Variants in CADPS observed in about 807,000 individuals in gnomAD.
CADPS encodes calcium-dependent secretion activator 1.
A neutral mutation model predicts 167.3 loss-of-function variants in CADPS; 57 were observed. The ratio of observed to expected loss-of-function variants is 0.34; its 90% CI spans 0.28 to 0.42. CADPS has a LOEUF of 0.42. CADPS is among the 20% of genes least tolerant of loss of function. The pLI, the probability that CADPS is intolerant of heterozygous loss-of-function variation, is 1.00. For synonymous variants in CADPS, 676 were observed against 635.3 expected, an observed-to-expected ratio of 1.06 and a Z score of -0.96; for missense variants, 1,414 against 1,738.1, an observed-to-expected ratio of 0.81 and a Z score of 3.32.
chr3:62,670,329 T>C (rs923477998), intron 3 of CADPS, among the ~76,000 whole-genome samples: 4 of 152,140 alleles, frequency 2.6e-5, no homozygotes, highest in Non-Finnish European at 4.4e-5. Flanking sequence ...AGAAAGAACA[T>C]GGAGTTCGGT....
Position 62,765,950 on chromosome 3 carries a change from C to T in CADPS, c.476G>A (p.Arg159Gln), listed in dbSNP as rs757369103. The change falls in exon 2 of 30, where the codon CGG becomes CAG. Residue 159 changes from arginine to glutamine, a missense_variant. Transcript: ENST00000383710. ...SKQQLQTVKD[R>Q]FQAFLNGETQ... Reference sequence around the variant, plus strand: ...TTCCCCATTGAGGAAAGCCTGAAACCGGTCCTTGACTGTCTGCAGCTGCTG... The same window carrying T: ...TTCCCCATTGAGGAAAGCCTGAAACTGGTCCTTGACTGTCTGCAGCTGCTG... 6.8e-6 allele frequency: 11 copies of T among 1,613,300 alleles called. No homozygotes were observed. The highest frequency in any genetic ancestry group is 6.7e-5 in the Admixed American group (4 of 59,968).
chr3:62,725,269 G>A (rs1010902837), intron 3 of CADPS, among the ~76,000 whole-genome samples: 1 of 152,196 alleles, frequency 6.6e-6, no homozygotes, highest in African/African-American at 2.4e-5. Context: ...TCTGAAATGT[G>A]GCCAGTGTGA....
At chr3:62,873,347 A>G (rs1005831629) in intron 1 of CADPS, among the ~76,000 whole-genome samples, 3 of 152,220 alleles carry the variant, frequency 2.0e-5, no homozygotes, top group African/African-American at 7.2e-5. Flanking sequence ...CAACTGAAAG[A>G]TTCACTATTT....
intron 13 of CADPS, among the ~76,000 whole-genome samples, chr3:62,525,233 C>T (rs1485688834): frequency 6.6e-6 from 1 of 151,972 alleles, no homozygotes; most frequent in Non-Finnish European, 1.5e-5. Flanking sequence ...CTGCTGTTCT[C>T]ATGGGGAAAG....
intron 3 of CADPS, among the ~76,000 whole-genome samples, chr3:62,723,964 CA>C: frequency 6.6e-6 from 1 of 152,178 alleles, no homozygotes; most frequent in Non-Finnish European, 1.5e-5. Context: ...TGGAGGGTGT[CA>C]CAGTTCAGGT....
At chr3:62,789,689 A>C (rs987546559) in intron 1 of CADPS, among the ~76,000 whole-genome samples, 27 of 152,202 alleles carry the variant, frequency 1.8e-4, no homozygotes, top group African/African-American at 5.8e-4. Context: ...AAACAAAGGG[A>C]GTAGCTGGAG....
intron 28 of CADPS, among the ~76,000 whole-genome samples, chr3:62,405,073 G>T (rs1707914514): frequency 6.7e-6 from 1 of 149,746 alleles, no homozygotes; most frequent in Non-Finnish European, 1.5e-5. Context: ...CAACTGGAGG[G>T]CTCTCTTGTG....
intron 13 of CADPS, among the ~76,000 whole-genome samples, chr3:62,520,701 A>T (rs986280874): frequency 6.6e-6 from 1 of 152,228 alleles, no homozygotes; most frequent in African/African-American, 2.4e-5. Context: ...GTAAATTTGT[A>T]ACTGCCAGAA....
At chr3:62,692,400 G>A (rs1476071318) in intron 3 of CADPS, among the ~76,000 whole-genome samples, 2 of 151,680 alleles carry the variant, frequency 1.3e-5, no homozygotes, top group African/African-American at 4.9e-5. Flanking sequence ...TTCCTGAATA[G>A]CAGCAGACAT....
intron 10 of CADPS, 111 bp from the exon 11 acceptor site, chr3:62,550,226 G>C: frequency 1.3e-6 from 1 of 759,496 alleles, no homozygotes; most frequent in Admixed American, 2.2e-5. Context: ...CAGAAGAGGG[G>C]GGTAGTGATT....
Position 62,645,637 on chromosome 3 carries a change from A to C in CADPS, c.1325+85T>G, listed in dbSNP as rs1468003832. On this transcript the variant is annotated intron_variant, in intron 6 of 29. Coordinates refer to ENST00000383710, the MANE Select transcript of CADPS (RefSeq NM_003716.4). ...ATGTCTTCTCGTATCTTCTGGGGAA[A>C]CCAGATCTTTACCTTGGAGTTGGCC... The C allele has an allele frequency of 4.2e-6, 6 of 1,438,324 alleles. No homozygotes were observed. In the African/African-American group the frequency reaches 8.6e-5, roughly 21 times the overall value. 89.1% of individuals were successfully genotyped at this position (1,438,324 alleles called of 1,614,324 possible). A position where few individuals can be genotyped will look rare whatever the true frequency, so the allele number is the denominator to read the frequency against.
intron 13 of CADPS, among the ~76,000 whole-genome samples, chr3:62,531,671 C>T (rs554531167): frequency 6.6e-6 from 1 of 152,284 alleles, no homozygotes; most frequent in African/African-American, 2.4e-5. Context: ...GCATCTGAGG[C>T]TGGGTTTCTG....
chr3:62,662,271 A>T (rs912319081), intron 4 of CADPS, 43 bp downstream of exon 4: 2 of 1,502,214 alleles, frequency 1.3e-6, no homozygotes, highest in Non-Finnish European at 1.9e-6. Flanking sequence ...CCTGAGTGGG[A>T]CTTTGGCCTG....
At chr3:62,547,491 C>G (rs1314122979) in intron 11 of CADPS, among the ~76,000 whole-genome samples, 1 of 150,244 alleles carries the variant, frequency 6.7e-6, no homozygotes, top group African/African-American at 2.5e-5. Context: ...AAATCTACCA[C>G]TAGGTACTGA....
chr3:62,772,249 G>A (rs570984081), intron 1 of CADPS, among the ~76,000 whole-genome samples: 10 of 152,022 alleles, frequency 6.6e-5, no homozygotes, highest in African/African-American at 2.2e-4. Context: ...TATCACTGAT[G>A]TGGTATTCCT....
chr3:62,572,290 C>T (rs189091365), intron 8 of CADPS, among the ~76,000 whole-genome samples: 3 of 152,260 alleles, frequency 2.0e-5, no homozygotes, highest in East Asian at 3.9e-4. Flanking sequence ...TCGCCAAGTG[C>T]AGTTGAGTTT....
Position 62,530,640 on chromosome 3 carries a change from A to G in CADPS, c.2291+2231T>C, listed in dbSNP as rs28751994. ...ATATTACAAACACAAGCCAATACAC[A>G]CATAACTTCTTACCTTTTCAGCTCT... On this transcript the variant is annotated intron_variant, in intron 13 of 29. Transcript: ENST00000383710. The G allele has an allele frequency of 8.8e-4, 1,129 of 1,281,202 alleles. 7 individuals carry two copies. In the African/African-American group the frequency reaches 0.016, roughly 18 times the overall value. The allele number at this position is 1,281,202 out of a possible 1,614,324, so 79.4% of individuals were successfully genotyped here. A position where few individuals can be genotyped will look rare whatever the true frequency, so the allele number is the denominator to read the frequency against.
In CADPS at chr3:62,420,593, A is replaced by G. The variant is rs1316246691; in HGVS notation, c.3778-17408T>C. Among the ~76,000 whole-genome samples the G allele has an allele frequency of 6.6e-6, 1 of 152,162 alleles. No individual in the cohort carries two copies. ...GGAGAGGGCATCTTGATCTCCTAGG[A>G]GGGAATATTTGGGTGTCCATAGCAA... On this transcript the variant is annotated intron_variant, in intron 28 of 29. Coordinates refer to ENST00000383710, the MANE Select transcript of CADPS (RefSeq NM_003716.4). This position sits in a 1 kb window ranked among gnomAD's most constrained non-coding sequence, Gnocchi z 4.1.
chr3:62,651,332 A>G (rs2070081862), intron 4 of CADPS, among the ~76,000 whole-genome samples: 1 of 152,228 alleles, frequency 6.6e-6, no homozygotes. Flanking sequence ...GAAATGCTTT[A>G]TTACAGTTCT....
Sources: gnomAD v4.1 joint callset for allele counts (sites outside exome capture counted in the v4.1 genomes callset) on GRCh38, gnomAD v4.1.1 for gene constraint, Gnocchi (gnomAD v3.1) non-coding constraint, MANE v1.5 for transcripts, NCBI Gene and HGNC (gene_info 2026-07-23, HGNC 2026-07-21) for gene names.